TYRP1: variants seen among roughly 807,000 people sequenced by gnomAD.
The protein encoded by TYRP1 is tyrosinase related protein 1.
A neutral mutation model predicts 42.8 loss-of-function variants in TYRP1; 49 were observed. The observed-to-expected ratio is 1.14, with a 90% CI of 0.91 to 1.45. TYRP1 has a LOEUF of 1.45. TYRP1 is among the 40% of genes most tolerant of loss of function. The pLI is 0.00. For synonymous variants in TYRP1, 279 were observed against 235.4 expected (o/e 1.19, Z -1.69); for missense variants, 848 against 662.0 (o/e 1.28, Z -3.08).
intron 7 of TYRP1, among the ~76,000 whole-genome samples, chr9:12,708,430 T>C (rs1337415262): frequency 6.6e-6 from 1 of 151,910 alleles, no homozygotes; most frequent in African/African-American, 2.4e-5. Flanking sequence ...GAGGCTTAAA[T>C]AGGTTAACTG....
rs1191635879 is a variant in TYRP1, at chr9:12,709,211, A to G, written c.*29A>G. 3.1e-6 allele frequency: 5 copies of G among 1,591,046 alleles called. No homozygotes were observed. In the Admixed American group the frequency reaches 5.0e-5, roughly 16 times the overall value. On this transcript the variant is annotated 3_prime_UTR_variant, in exon 8 of 8. Transcript: ENST00000388918. ...ATGCCCTACTCTCTTATGCATTAGT[A>G]TCACAAAACCACCTGGTTGAATATA...
At chr9:12,695,266 A>G (rs1282595221) in intron 2 of TYRP1, among the ~76,000 whole-genome samples, 2 of 152,212 alleles carry the variant, frequency 1.3e-5, no homozygotes, top group African/African-American at 4.8e-5. Context: ...CATAAAATCC[A>G]TAGGTAAGAT....
chr9:12,695,036 C>T (rs1818053749), intron 2 of TYRP1, among the ~76,000 whole-genome samples: 2 of 152,010 alleles, frequency 1.3e-5, no homozygotes, highest in African/African-American at 4.8e-5. Flanking sequence ...GGTCTTTGAA[C>T]TTTCAATTCT....
At chr9:12,702,876 G>A (rs938086433) in intron 5 of TYRP1, among the ~76,000 whole-genome samples, 9 of 151,986 alleles carry the variant, frequency 5.9e-5, no homozygotes, top group African/African-American at 1.9e-4. Flanking sequence ...TTGCGCATAT[G>A]TTTTATTTAG....
rs1373804111 is a variant in TYRP1, at chr9:12,695,509, C to T, written c.386-6C>T. 1.2e-6 allele frequency: 2 copies of T among 1,613,972 alleles called. No individual in the cohort carries two copies. The highest frequency in any genetic ancestry group is 1.7e-5 in the Admixed American group (1 of 60,008). On this transcript the variant is annotated splice_region_variant and splice_polypyrimidine_tract_variant and intron_variant, in intron 2 of 7. Coordinates refer to ENST00000388918, the MANE Select transcript of TYRP1 (RefSeq NM_000550.3). Reference sequence around the variant, plus strand: ...GTTTTCATGCTTGAATTTTGTATCCCTAAAGTCAGGAGAAATCTTCTGGAC... The same window carrying T: ...GTTTTCATGCTTGAATTTTGTATCCTTAAAGTCAGGAGAAATCTTCTGGAC...
Position 12,710,265 on chromosome 9 carries a change from C to T in TYRP1, c.*1083C>T, listed in dbSNP as rs193004734. ...TAAAATTGGTAAAAATAAATAATAA[C>T]AGTAATAATCATGCACTATAGAAAA... On this transcript the variant is annotated 3_prime_UTR_variant, in exon 8 of 8. Coordinates refer to ENST00000388918, the MANE Select transcript of TYRP1 (RefSeq NM_000550.3). The T allele has an allele frequency of 1.5e-5, 2 of 132,992 alleles. No individual in the cohort carries two copies. The highest frequency in any genetic ancestry group is 1.5e-4 in the Admixed American group (2 of 13,376). The allele number at this position is 132,992 out of a possible 1,614,324, so 8.2% of individuals were successfully genotyped here. A position where few individuals can be genotyped will look rare whatever the true frequency, so the allele number is the denominator to read the frequency against.
chr9:12,701,458 G>A (rs930876794), intron 4 of TYRP1, among the ~76,000 whole-genome samples: 3 of 151,794 alleles, frequency 2.0e-5, no homozygotes, highest in Non-Finnish European at 4.4e-5. Context: ...TTACAGATAG[G>A]GGGTGTTATA....
chr9:12,700,049 T>G (rs1200185089), intron 4 of TYRP1: 1 of 152,136 alleles, frequency 6.6e-6, no homozygotes, highest in Non-Finnish European at 1.5e-5. Context: ...AGATTATCCC[T>G]TGTCTCACTG....
chr9:12,695,138 G>A (rs1028225861), intron 2 of TYRP1, among the ~76,000 whole-genome samples: 3 of 151,772 alleles, frequency 2.0e-5, no homozygotes, highest in Non-Finnish European at 4.4e-5. Context: ...ATAATTCTCT[G>A]GTCTTAACTA....
At chr9:12,708,330 T>C (rs1437140949) in intron 7 of TYRP1, among the ~76,000 whole-genome samples, 187 bp downstream of exon 7, 1 of 151,950 alleles carries the variant, frequency 6.6e-6, no homozygotes, top group African/African-American at 2.4e-5. Flanking sequence ...TAAGCTGATA[T>C]TGATCTTATT....
chr9:12,708,186 G>A lies in TYRP1; in HGVS notation c.1408+43G>A, dbSNP rs12004442. Reference sequence around the variant, plus strand: ...ATTTTTACTGTGATAATTTCCAAAAGCAAATGTGTTATCTTTCAAGTAGAG... The same window carrying A: ...ATTTTTACTGTGATAATTTCCAAAAACAAATGTGTTATCTTTCAAGTAGAG... On this transcript the variant is annotated intron_variant, in intron 7 of 7. Transcript: ENST00000388918. 3,393 of 1,607,168 alleles carry A rather than the reference G, an allele frequency of 2.1e-3. 54 individuals are homozygous for A. The African/African-American group carries it at 0.036, about 17-fold the overall frequency.
chr9:12,707,723 A>T (rs1171918106), intron 6 of TYRP1: 4 of 340,480 alleles, frequency 1.2e-5, no homozygotes, highest in Non-Finnish European at 2.1e-5. Context: ...TTTAAAAATT[A>T]TTCAAGATCA....
chr9:12,707,346 C>A (rs1006517751), intron 6 of TYRP1, among the ~76,000 whole-genome samples: 1 of 151,954 alleles, frequency 6.6e-6, no homozygotes, highest in Non-Finnish European at 1.5e-5. Context: ...AAATACGATG[C>A]TATACAAAAT....
At position 12,709,078 on chromosome 9, in the gene TYRP1, A is replaced by G. The variant is rs1227640938; in HGVS notation, c.1510A>G (p.Arg504Gly). Residue 504 changes from arginine (R) to glycine (G), a missense_variant, in exon 8 of 8, where the codon AGA (arginine) becomes GGA (glycine). Physicochemically the swap from Arg to Gly is moderately radical, Grantham distance 125. Coordinates refer to ENST00000388918, the MANE Select transcript of TYRP1 (RefSeq NM_000550.3). ...FGTASYLIRA[R>G]RSMDEANQPL... Reference sequence around the variant, plus strand: ...GACTGCTTCTTATCTGATTCGTGCCAGACGCAGTATGGATGAAGCTAACCA... The same window carrying G: ...GACTGCTTCTTATCTGATTCGTGCCGGACGCAGTATGGATGAAGCTAACCA... 1 of 1,612,750 alleles carries G rather than the reference A, an allele frequency of 6.2e-7. No individual in the cohort carries two copies. Among genetic ancestry groups the G allele is most frequent in the Non-Finnish European group, 8.5e-7 (1 of 1,179,272 alleles).
At chr9:12,707,784 A>G in intron 6 of TYRP1, 1 of 441,766 alleles carries the variant, frequency 2.3e-6, no homozygotes, top group Non-Finnish European at 4.0e-6. Flanking sequence ...TCTCTTTTTT[A>G]TTAAGTGGTA....
Position 12,709,117 on chromosome 9 carries a change from G to C in TYRP1, c.1549G>C (p.Asp517His). The C allele has an allele frequency of 4.3e-6, 7 of 1,612,714 alleles. No homozygotes were observed. The highest frequency in any genetic ancestry group is 5.9e-6 in the Non-Finnish European group (7 of 1,179,146). ...MDEANQPLLTDQYQCYAEEYE... is the reference protein window; with the variant it reads ...MDEANQPLLTHQYQCYAEEYE... Reference sequence around the variant, plus strand: ...TGAAGCTAACCAGCCTCTCCTCACTGATCAGTATCAATGCTATGCTGAAGA... The same window carrying C: ...TGAAGCTAACCAGCCTCTCCTCACTCATCAGTATCAATGCTATGCTGAAGA... Residue 517 changes from aspartate (D) to histidine (H), a missense_variant, in exon 8 of 8, where the codon GAT (aspartate) becomes CAT (histidine). By Grantham distance (81) the Asp-to-His change is moderately conservative (BLOSUM62 -1). Transcript: ENST00000388918.
At position 12,704,842 on chromosome 9, in the gene TYRP1, C is replaced by T. The variant is rs368985458; in HGVS notation, c.1261+137C>T. 1.9e-5 allele frequency: 16 copies of T among 824,172 alleles called. 1 individual carries two copies. The highest frequency in any genetic ancestry group is 8.3e-5 in the African/African-American group (5 of 60,124). 51.1% of individuals were successfully genotyped at this position (824,172 alleles called of 1,614,324 possible). ...ATAGCATAGCTGTAATATCAAGTCA[C>T]TTCCAGACATTCAATTCTACTTTGA... On this transcript the variant is annotated intron_variant, in intron 6 of 7. Coordinates refer to ENST00000388918, the MANE Select transcript of TYRP1 (RefSeq NM_000550.3).
At chr9:12,697,075 T>C (rs1006431664) in intron 3 of TYRP1, among the ~76,000 whole-genome samples, 1 of 152,180 alleles carries the variant, frequency 6.6e-6, no homozygotes, top group African/African-American at 2.4e-5. Flanking sequence ...CTGAACGTCA[T>C]ATTTTATAGC....
At position 12,693,460 on chromosome 9, in the gene TYRP1, C is replaced by T. The variant is rs986544621; in HGVS notation, c.-104C>T. 4 of 156,690 alleles carry T rather than the reference C, an allele frequency of 2.6e-5. No homozygotes were observed. The highest frequency in any genetic ancestry group is 9.7e-5 in the African/African-American group (4 of 41,412). 9.7% of individuals were successfully genotyped at this position (156,690 alleles called of 1,614,324 possible). A position where few individuals can be genotyped will look rare whatever the true frequency, so the allele number is the denominator to read the frequency against. On this transcript the variant is annotated 5_prime_UTR_variant, in exon 1 of 8. Transcript: ENST00000388918. Reference sequence around the variant, plus strand: ...AATTCTAAGAGAAGTTCATCAGAGACATCCTTCAGGATTGTGAGGTACTGG... The same window carrying T: ...AATTCTAAGAGAAGTTCATCAGAGATATCCTTCAGGATTGTGAGGTACTGG...
Sources: gnomAD v4.1 joint callset for allele counts (sites outside exome capture counted in the v4.1 genomes callset) on GRCh38, gnomAD v4.1.1 for gene constraint, MANE v1.5 for transcripts, NCBI Gene and HGNC (gene_info 2026-07-23, HGNC 2026-07-21) for gene names.